MCPH1: variants seen among roughly 807,000 people sequenced by gnomAD.
MCPH1 encodes the protein microcephalin 1, also known as microcephalin.
In MCPH1, 104 loss-of-function variants were observed where a neutral mutation model predicts 84.5. That is an observed-to-expected ratio of 1.23 (90% confidence interval 1.05 to 1.45). The LOEUF is 1.45. Among genes scored for constraint, MCPH1 ranks in the 40% most tolerant of loss-of-function variants. The pLI, the probability that MCPH1 is intolerant of heterozygous loss-of-function variation, is 0.00. For synonymous variants in MCPH1, 514 were observed against 366.8 expected (o/e 1.40, Z -4.58); for missense variants, 1,498 against 1,005.7 (o/e 1.49, Z -6.62).
At chr8:6,618,407 G>C (rs777906362) in intron 12 of MCPH1, 1 of 152,344 alleles carries the variant, frequency 6.6e-6, no homozygotes, top group African/African-American at 2.4e-5. Flanking sequence ...AGCTACTGAA[G>C]TCACATCCTA....
intron 13 of MCPH1, among the ~76,000 whole-genome samples, chr8:6,634,045 C>T (rs1294425470): frequency 6.6e-6 from 1 of 152,022 alleles, no homozygotes; most frequent in East Asian, 1.9e-4. Context: ...TTTTGAAGTT[C>T]TATGCTGAAT....
intron 13 of MCPH1, among the ~76,000 whole-genome samples, chr8:6,630,806 A>G (rs935379076): frequency 6.7e-6 from 1 of 148,888 alleles, no homozygotes; most frequent in African/African-American, 2.5e-5. Flanking sequence ...AAAAAAAAAA[A>G]CAATTATATA....
intron 12 of MCPH1, chr8:6,501,935 T>C (rs1377078876): frequency 6.6e-6 from 1 of 152,084 alleles, no homozygotes; most frequent in Admixed American, 6.6e-5. Flanking sequence ...AACCCTTTTT[T>C]TTTTTTCAGT....
chr8:6,535,440 T>C (rs2129572452), intron 12 of MCPH1, among the ~76,000 whole-genome samples: 1 of 152,354 alleles, frequency 6.6e-6, no homozygotes, highest in East Asian at 1.9e-4. Flanking sequence ...TGCAAGATCC[T>C]TTTTAAATTG....
chr8:6,521,579 G>T (rs1817348158), intron 12 of MCPH1, among the ~76,000 whole-genome samples: 1 of 152,214 alleles, frequency 6.6e-6, no homozygotes, highest in Non-Finnish European at 1.5e-5. Flanking sequence ...GAGAAGATTA[G>T]ATATATAAAT....
chr8:6,545,449 T>C (rs1231495054), intron 12 of MCPH1, among the ~76,000 whole-genome samples: 1 of 152,246 alleles, frequency 6.6e-6, no homozygotes. Context: ...GGTGGTTTTA[T>C]TTGTCTCTGC....
chr8:6,583,126 G>A (rs934551618), intron 12 of MCPH1, among the ~76,000 whole-genome samples: 5 of 151,996 alleles, frequency 3.3e-5, no homozygotes, highest in Admixed American at 6.6e-5. Flanking sequence ...AACCAGCACA[G>A]TGCCTCGCTG....
intron 11 of MCPH1, among the ~76,000 whole-genome samples, chr8:6,483,301 C>CT (rs1210947239): frequency 1.3e-5 from 2 of 152,202 alleles, no homozygotes; most frequent in Non-Finnish European, 2.9e-5. Context: ...TCAGTGGACT[C>CT]TTTCAAGATA....
At chr8:6,551,251 T>C in intron 12 of MCPH1, among the ~76,000 whole-genome samples, 1 of 152,116 alleles carries the variant, frequency 6.6e-6, no homozygotes, top group South Asian at 2.1e-4. Context: ...TTCTTTCTCA[T>C]GCAGAGACTG....
At chr8:6,515,180 C>G (rs912592400) in intron 12 of MCPH1, among the ~76,000 whole-genome samples, 1 of 151,024 alleles carries the variant, frequency 6.6e-6, no homozygotes, top group Non-Finnish European at 1.5e-5. Flanking sequence ...GACTTGTGTT[C>G]ACAGCCTTGA....
chr8:6,487,557 T>C (rs2440428), intron 11 of MCPH1, among the ~76,000 whole-genome samples: 55,437 of 152,088 alleles, frequency 0.36, 11,654 homozygotes, highest in African/African-American at 0.59. Flanking sequence ...TCTTTTTAAC[T>C]TTCAGTTGGC....
chr8:6,445,935 TAGTG>T lies in MCPH1; in HGVS notation c.1825+391_1825+394del, dbSNP rs574084227. The T allele has an allele frequency of 1.7e-4, 163 of 987,754 alleles. 1 individual carries two copies. In the African/African-American group the frequency reaches 2.6e-3, roughly 16 times the overall value. 61.2% of individuals were successfully genotyped at this position (987,754 alleles called of 1,614,324 possible). A position where few individuals can be genotyped will look rare whatever the true frequency, so the allele number is the denominator to read the frequency against. The stretch of plus-strand genomic sequence containing the variant: ...AGTTTTTTAAAACCTAGGTTCTTAA[TAGTG>T]AGGCTATTTAAAGAAAGAAATTAAG... On this transcript the variant is annotated intron_variant, in intron 8 of 13. Transcript: ENST00000344683.
At chr8:6,582,212 T>C (rs1827617573) in intron 12 of MCPH1, among the ~76,000 whole-genome samples, 1 of 152,250 alleles carries the variant, frequency 6.6e-6, no homozygotes, top group African/African-American at 2.4e-5. Context: ...TGCAACCTAC[T>C]GTGCCTGTAA....
chr8:6,462,725 A>C (rs796545740), intron 9 of MCPH1, among the ~76,000 whole-genome samples: 1 of 152,196 alleles, frequency 6.6e-6, no homozygotes, highest in African/African-American at 2.4e-5. Context: ...CTTTGTGTAT[A>C]AAACAGGAAT....
chr8:6,470,321 T>G (rs1807549896), intron 9 of MCPH1, among the ~76,000 whole-genome samples: 1 of 152,202 alleles, frequency 6.6e-6, no homozygotes, highest in Admixed American at 6.5e-5. Context: ...TCTCGCTCTG[T>G]CACCCAGGCT....
At chr8:6,539,678 C>A (rs1030819505) in intron 12 of MCPH1, among the ~76,000 whole-genome samples, 1 of 152,140 alleles carries the variant, frequency 6.6e-6, no homozygotes, top group East Asian at 1.9e-4. Flanking sequence ...CCTCTGCCTC[C>A]CTGGTTCAAA....
At chr8:6,513,006 C>T (rs567928358) in intron 12 of MCPH1, among the ~76,000 whole-genome samples, 1 of 152,214 alleles carries the variant, frequency 6.6e-6, no homozygotes, top group African/African-American at 2.4e-5. Flanking sequence ...TGGAATAAAA[C>T]AGCACAGTCA....
At chr8:6,497,155 G>C (rs992943193) in intron 11 of MCPH1, among the ~76,000 whole-genome samples, 3 of 152,008 alleles carry the variant, frequency 2.0e-5, no homozygotes, top group Non-Finnish European at 2.9e-5. Flanking sequence ...CTTTTGATCA[G>C]TCAGAAATTT....
intron 5 of MCPH1, among the ~76,000 whole-genome samples, chr8:6,436,384 A>G (rs1485506256): frequency 1.3e-5 from 2 of 152,258 alleles, no homozygotes; most frequent in African/African-American, 4.8e-5. Context: ...TTAACCATTC[A>G]TCAAGGTGGT....
Sources: allele counts gnomAD v4.1 joint callset (sites outside exome capture counted in the v4.1 genomes callset), GRCh38; gene constraint gnomAD v4.1.1; transcripts MANE v1.5; gene names NCBI Gene and HGNC (gene_info 2026-07-23, HGNC 2026-07-21).